CNIH3: variants seen among roughly 807,000 people sequenced by gnomAD.
CNIH3 encodes protein cornichon homolog 3.
In CNIH3, 14 loss-of-function variants were observed where a neutral mutation model predicts 24.1. That is an observed-to-expected ratio of 0.58 (90% CI 0.38 to 0.91). The LOEUF is 0.91. Ranked by LOEUF, CNIH3 falls within the 40% of genes least tolerant of loss-of-function variation. The pLI is 0.00. For synonymous variants in CNIH3, 68 were observed against 73.8 expected (o/e 0.92, Z 0.40); for missense variants, 178 against 196.8 (o/e 0.90, Z 0.57).
At chr1:224,633,590 C>T (rs896494497) in intron 1 of CNIH3, among the ~76,000 whole-genome samples, 6 of 152,224 alleles carry the variant, frequency 3.9e-5, no homozygotes, top group African/African-American at 9.6e-5. Flanking sequence ...AGCCAGATTT[C>T]GATCTCTGTC....
In CNIH3 at chr1:224,458,433, G is replaced by A. The variant is rs1675768111; in HGVS notation, n.203+23571G>A. Among the ~76,000 whole-genome samples, 2 of 152,180 alleles carry A rather than the reference G, an allele frequency of 1.3e-5. No homozygotes were observed. Among genetic ancestry groups the A allele is most frequent in the South Asian group, 2.1e-4 (1 of 4,832 alleles). ...AGGCTGCCAGGAGCCGATCGCACAA[G>A]GCTTGGCAAGGCAGATGCTCCCCAG... On this transcript the variant is annotated intron_variant and non_coding_transcript_variant, in intron 1 of 5. Transcript: ENST00000471578. The surrounding 1 kb of genome is among the most constrained non-coding windows in gnomAD (Gnocchi z 4.3).
chr1:224,605,594 C>T (rs1182114506), intron 3 of CNIH3, among the ~76,000 whole-genome samples: 1 of 152,216 alleles, frequency 6.6e-6, no homozygotes, highest in African/African-American at 2.4e-5. Context: ...CCCAATTAAT[C>T]TTGCAGATAA....
chr1:224,689,499 G>C (rs572281083), intron 3 of CNIH3, among the ~76,000 whole-genome samples: 1 of 152,150 alleles, frequency 6.6e-6, no homozygotes, highest in Non-Finnish European at 1.5e-5. Context: ...ACGGTGGGCC[G>C]GCCTGGGCCT....
At chr1:224,586,539 C>T (rs1302931496) in intron 5 of CNIH3, among the ~76,000 whole-genome samples, 1 of 152,138 alleles carries the variant, frequency 6.6e-6, no homozygotes, top group African/African-American at 2.4e-5. Context: ...CAAACCATAT[C>T]AGGCCAGTAC....
At chr1:224,657,137 T>C (rs1034812526) in intron 1 of CNIH3, among the ~76,000 whole-genome samples, 1 of 152,152 alleles carries the variant, frequency 6.6e-6, no homozygotes, top group Non-Finnish European at 1.5e-5. Context: ...CAGGGTGGTA[T>C]GGCTACCTGC....
intron 3 of CNIH3, among the ~76,000 whole-genome samples, chr1:224,700,266 G>A (rs1687412448): frequency 6.6e-6 from 1 of 152,116 alleles, no homozygotes; most frequent in African/African-American, 2.4e-5. Flanking sequence ...GGCAATAATA[G>A]GGCCCACCCT....
intron 5 of CNIH3, among the ~76,000 whole-genome samples, 167 bp downstream of exon 5, chr1:224,734,873 T>A (rs1689515433): frequency 6.6e-6 from 1 of 152,220 alleles, no homozygotes; most frequent in Non-Finnish European, 1.5e-5. Context: ...CAAGGGCTTC[T>A]GTATAAACAA....
At position 224,739,458 on chromosome 1, in the gene CNIH3, G is replaced by C. The variant is rs776786752; in HGVS notation, c.*102G>C. ...GGAGGAGGGACCAGAATGAGGATAC[G>C]TGAGAAATAGACCCGGCAGGCAGTC... On this transcript the variant is annotated 3_prime_UTR_variant, in exon 6 of 6. Transcript: ENST00000272133. The C allele has an allele frequency of 6.4e-7, 1 of 1,568,256 alleles. No individual in the cohort carries two copies. The highest frequency in any genetic ancestry group is 2.2e-5 in the East Asian group (1 of 44,552).
chr1:224,627,471 G>A (rs1396775894), intron 1 of CNIH3, among the ~76,000 whole-genome samples: 4 of 152,062 alleles, frequency 2.6e-5, no homozygotes, highest in Admixed American at 1.3e-4. Context: ...TGATCCTCCC[G>A]CCTCGGTCTC....
intron 5 of CNIH3, 118 bp from the exon 6 acceptor site, chr1:224,739,211 A>G (rs768553107): frequency 3.7e-4 from 547 of 1,498,564 alleles, no homozygotes; most frequent in Non-Finnish European, 4.6e-4. Context: ...AATGAGGGAG[A>G]AGCCAAGGGG....
intron 1 of CNIH3, among the ~76,000 whole-genome samples, chr1:224,673,249 C>A (rs6426145): frequency 0.22 from 32,863 of 152,046 alleles, 3,611 homozygotes; most frequent in East Asian, 0.26. Flanking sequence ...TCCTGCAAGT[C>A]ACATAAGGGC....
At chr1:224,674,672 G>C (rs1441748374) in intron 1 of CNIH3, among the ~76,000 whole-genome samples, 1 of 152,050 alleles carries the variant, frequency 6.6e-6, no homozygotes, top group Non-Finnish European at 1.5e-5. Flanking sequence ...GGCTGAACTT[G>C]CCTAAGCCTA....
chr1:224,631,580 A>G (rs891082761), intron 1 of CNIH3, among the ~76,000 whole-genome samples: 2 of 151,324 alleles, frequency 1.3e-5, no homozygotes, highest in African/African-American at 2.4e-5. Flanking sequence ...TTGTGCATAC[A>G]TCTTAGATCT....
chr1:224,548,573 T>A (rs542951222), intron 3 of CNIH3, among the ~76,000 whole-genome samples: 9 of 151,992 alleles, frequency 5.9e-5, no homozygotes, highest in Non-Finnish European at 1.2e-4. Flanking sequence ...TATTATTCAT[T>A]ATTTCTAAAA....
intron 1 of CNIH3, among the ~76,000 whole-genome samples, chr1:224,480,166 G>A (rs1321727793): frequency 1.3e-5 from 2 of 152,188 alleles, no homozygotes; most frequent in Non-Finnish European, 2.9e-5. Flanking sequence ...AGCTGCCAAG[G>A]CTTAGGGCTT....
upstream of CNIH3, among the ~76,000 whole-genome samples, chr1:224,514,780 C>T (rs114663421): frequency 0.041 from 6,251 of 152,274 alleles, 295 homozygotes; most frequent in East Asian, 0.16. Context: ...TGCAGTGAGC[C>T]GTGGTCATGC....
chr1:224,557,426 T>G (rs1368077009), intron 3 of CNIH3, among the ~76,000 whole-genome samples: 1 of 152,092 alleles, frequency 6.6e-6, no homozygotes, highest in Non-Finnish European at 1.5e-5. Context: ...CTCTCTGTCT[T>G]TACTCCCTTG....
At chr1:224,568,935 C>T (rs779742674) in intron 4 of CNIH3, among the ~76,000 whole-genome samples, 35 of 152,144 alleles carry the variant, frequency 2.3e-4, no homozygotes, top group African/African-American at 6.3e-4. Context: ...TACAATGGAG[C>T]GATCTCGGCT....
chr1:224,653,909 T>G (rs1397474828), intron 1 of CNIH3, among the ~76,000 whole-genome samples: 3 of 151,822 alleles, frequency 2.0e-5, no homozygotes, highest in African/African-American at 7.3e-5. Context: ...TGAAACCCTG[T>G]CTCTATTAAA....
Sources: gnomAD v4.1 joint callset for allele counts (sites outside exome capture counted in the v4.1 genomes callset) on GRCh38, gnomAD v4.1.1 for gene constraint, Gnocchi (gnomAD v3.1) non-coding constraint, MANE v1.5 for transcripts, NCBI Gene and HGNC (gene_info 2026-07-23, HGNC 2026-07-21) for gene names.